NRG1: variants seen among roughly 807,000 people sequenced by gnomAD.
The protein encoded by NRG1 is neuregulin 1, also known as pro-neuregulin-1, membrane-bound isoform.
In NRG1, 18 loss-of-function variants were observed where a neutral mutation model predicts 63.8. The observed-to-expected ratio is 0.28, with a 90% CI of 0.19 to 0.42. The LOEUF (loss-of-function observed/expected upper bound fraction) is 0.42. Ranked by LOEUF, NRG1 falls within the 10% of genes least tolerant of loss-of-function variation. The pLI, the probability that NRG1 is intolerant of heterozygous loss-of-function variation, is 1.00. For synonymous variants in NRG1, 302 were observed against 301.3 expected (o/e 1.00, Z -0.02); for missense variants, 762 against 814.7 (o/e 0.94, Z 0.79).
intron 1 of NRG1, among the ~76,000 whole-genome samples, chr8:32,336,509 A>G (rs908405270): frequency 6.6e-6 from 1 of 152,208 alleles, no homozygotes; most frequent in African/African-American, 2.4e-5. Context: ...AAAAAATTAA[A>G]AAACAAAAAA....
chr8:32,150,789 A>T (rs2131822618), intron 1 of NRG1, among the ~76,000 whole-genome samples: 1 of 152,342 alleles, frequency 6.6e-6, no homozygotes, highest in Admixed American at 6.5e-5. Context: ...GTAAAAGAGA[A>T]AAATGTGTGT....
intron 1 of NRG1, among the ~76,000 whole-genome samples, chr8:31,744,320 G>A (rs1026065636): frequency 6.6e-6 from 1 of 151,996 alleles, no homozygotes; most frequent in Non-Finnish European, 1.5e-5. Flanking sequence ...TTCATGATAC[G>A]CTGTGCCAGT....
At chr8:32,171,591 T>C (rs1840043736) in intron 1 of NRG1, 1 of 152,372 alleles carries the variant, frequency 6.6e-6, no homozygotes, top group African/African-American at 2.4e-5. Flanking sequence ...GAATTCCCTT[T>C]TCTAGTCAAA....
At chr8:32,455,716 A>G (rs1212080546) in intron 1 of NRG1, among the ~76,000 whole-genome samples, 1 of 152,228 alleles carries the variant, frequency 6.6e-6, no homozygotes, top group African/African-American at 2.4e-5. Context: ...GAGCTGAGGA[A>G]CTCAATCAAC....
chr8:31,834,582 A>T (rs1267723033), intron 1 of NRG1, among the ~76,000 whole-genome samples: 1 of 152,146 alleles, frequency 6.6e-6, no homozygotes, highest in East Asian at 1.9e-4. Context: ...ATGGTGGTGT[A>T]TGCCTGCAGT....
chr8:32,337,569 T>C (rs996600377), intron 1 of NRG1, among the ~76,000 whole-genome samples: 1 of 149,782 alleles, frequency 6.7e-6, no homozygotes, highest in Non-Finnish European at 1.5e-5. Flanking sequence ...TAATGTTTCA[T>C]TGATTCATTC....
intron 1 of NRG1, among the ~76,000 whole-genome samples, chr8:31,718,483 C>T (rs1401836392): frequency 6.6e-6 from 1 of 152,188 alleles, no homozygotes; most frequent in Non-Finnish European, 1.5e-5. Context: ...CTGTGCACTC[C>T]CAAGTAAATC....
chr8:32,039,795 G>A (rs778489619), intron 1 of NRG1, among the ~76,000 whole-genome samples: 10 of 151,878 alleles, frequency 6.6e-5, no homozygotes, highest in Non-Finnish European at 1.5e-4. Flanking sequence ...AAGGCAGGAC[G>A]ATCGCTTGAG....
intron 5 of NRG1, among the ~76,000 whole-genome samples, chr8:32,636,896 A>G (rs1851438777): frequency 6.6e-6 from 1 of 152,082 alleles, no homozygotes. Flanking sequence ...AGAGGTAGTG[A>G]TGGGTGGAGG....
chr8:32,232,715 G>A (rs1416807106), intron 1 of NRG1, among the ~76,000 whole-genome samples: 1 of 152,088 alleles, frequency 6.6e-6, no homozygotes, highest in South Asian at 2.1e-4. Context: ...CTTTTAGCAA[G>A]GGTCATAGGA....
exon 1 of NRG1, chr8:32,548,371 A>T (rs1434456506): frequency 9.7e-7 from 1 of 1,030,020 alleles, no homozygotes; most frequent in African/African-American, 1.7e-5. Context: ...CGGCTGCCGG[A>T]CGATGGGAGC....
chr8:31,652,802 T>C (rs1256362269), intron 1 of NRG1, among the ~76,000 whole-genome samples: 1 of 152,232 alleles, frequency 6.6e-6, no homozygotes, highest in East Asian at 1.9e-4. Flanking sequence ...CATTGTCAAG[T>C]GAAAAGTGTT....
At chr8:32,056,662 T>A (rs1220300764) in intron 1 of NRG1, among the ~76,000 whole-genome samples, 1 of 152,134 alleles carries the variant, frequency 6.6e-6, no homozygotes, top group African/African-American at 2.4e-5. Context: ...ATTCTGTAAA[T>A]CAACTCACTG....
intron 5 of NRG1, among the ~76,000 whole-genome samples, chr8:32,701,489 G>A (rs2128960462): frequency 6.6e-6 from 1 of 152,260 alleles, no homozygotes; most frequent in South Asian, 2.1e-4. Flanking sequence ...AGACCATGGG[G>A]CCAGCATATT....
chr8:31,699,711 T>TA (rs36120959), intron 1 of NRG1, among the ~76,000 whole-genome samples: 28 of 151,484 alleles, frequency 1.8e-4, no homozygotes, highest in Middle Eastern at 3.4e-3. Flanking sequence ...TTCCTTTTTT[T>TA]AAAAAAAAAA....
chr8:32,241,557 A>C (rs1340954268), intron 1 of NRG1, among the ~76,000 whole-genome samples: 1 of 152,216 alleles, frequency 6.6e-6, no homozygotes, highest in Non-Finnish European at 1.5e-5. Flanking sequence ...ATTGGCGTGC[A>C]ATAGAGTAGT....
chr8:32,681,382 T>G (rs1482383390), intron 5 of NRG1, among the ~76,000 whole-genome samples: 1 of 152,156 alleles, frequency 6.6e-6, no homozygotes, highest in African/African-American at 2.4e-5. Flanking sequence ...GTCTCTGCCT[T>G]AAGAAATTCT....
chr8:32,300,239 T>A (rs1200016540), intron 1 of NRG1, among the ~76,000 whole-genome samples: 1 of 152,184 alleles, frequency 6.6e-6, no homozygotes, highest in Non-Finnish European at 1.5e-5. Context: ...CGTTAACACT[T>A]TTTTCAATAA....
chr8:32,530,982 C>A (rs898468792), intron 1 of NRG1, among the ~76,000 whole-genome samples: 3 of 152,012 alleles, frequency 2.0e-5, no homozygotes, highest in Non-Finnish European at 4.4e-5. Flanking sequence ...CCTGTAATTC[C>A]AGCTACTTGG....
Sources: gnomAD v4.1 joint callset for allele counts (sites outside exome capture counted in the v4.1 genomes callset) on GRCh38, gnomAD v4.1.1 for gene constraint, MANE v1.5 for transcripts, NCBI Gene and HGNC (gene_info 2026-07-23, HGNC 2026-07-21) for gene names.